Variants in TRAF2 observed in about 807,000 individuals in gnomAD.
TRAF2 encodes the protein TNF receptor associated factor 2, also known as TNF receptor-associated factor 2.
A neutral mutation model predicts 55.6 loss-of-function variants in TRAF2; 6 were observed. The ratio of observed to expected loss-of-function variants is 0.11; its 90% confidence interval spans 0.06 to 0.21. TRAF2 has a LOEUF of 0.21. Among genes scored for constraint, TRAF2 ranks in the 10% least tolerant of loss-of-function variants. TRAF2 has a pLI of 1.00. For synonymous variants in TRAF2, 329 were observed against 276.3 expected (o/e 1.19, Z -1.89); for missense variants, 561 against 684.5 (o/e 0.82, Z 2.01).
At chr9:136,916,478 T>C (rs1850244616) in intron 6 of TRAF2, 63 bp from the exon 7 acceptor site, 2 of 1,536,698 alleles carry the variant, frequency 1.3e-6, no homozygotes, top group Middle Eastern at 1.7e-4. Flanking sequence ...GTGTGGTCCA[T>C]GTGGAAGTGC....
At chr9:136,882,564 A>G, upstream of TRAF2, 1 of 593,712 alleles carries the variant, frequency 1.7e-6, no homozygotes, top group Non-Finnish European at 2.1e-6. Context: ...ATCCTCAGGC[A>G]GTGAGAGGGT....
upstream of TRAF2, chr9:136,886,370 G>A (rs1246065662): frequency 2.0e-6 from 2 of 981,618 alleles, no homozygotes; most frequent in South Asian, 4.5e-5. Flanking sequence ...CGTCAGGCGC[G>A]CTCGGAGCGG....
chr9:136,890,512 A>T (rs1000462852), intron 1 of TRAF2: 1 of 152,126 alleles, frequency 6.6e-6, no homozygotes, highest in African/African-American at 2.4e-5. Context: ...GGCCACTGAG[A>T]GCTCCCTAGT....
chr9:136,903,237 C>T (rs1849862816), intron 4 of TRAF2, among the ~76,000 whole-genome samples: 1 of 152,214 alleles, frequency 6.6e-6, no homozygotes, highest in Non-Finnish European at 1.5e-5. Context: ...TGGCATAAGC[C>T]ACTGCACCTG....
intron 4 of TRAF2, among the ~76,000 whole-genome samples, chr9:136,907,728 GGCAGGGACCCGCTGGCGCAGA>G (rs1448788375): frequency 1.3e-5 from 2 of 152,198 alleles, no homozygotes; most frequent in African/African-American, 4.8e-5. Flanking sequence ...TGGTGTGTGT[GGCAGGGACCCGCTGGCGCAGA>G]GCAGGGACTG....
intron 1 of TRAF2, among the ~76,000 whole-genome samples, chr9:136,898,114 A>T (rs991080300): frequency 1.3e-4 from 20 of 149,584 alleles, no homozygotes; most frequent in Admixed American, 8.0e-4. Context: ...TCGGGGCTGG[A>T]GGGGAACCCG....
chr9:136,902,011 G>T (rs952310590), intron 4 of TRAF2: 1 of 152,300 alleles, frequency 6.6e-6, no homozygotes, highest in Admixed American at 6.5e-5. Context: ...AACAAGATGT[G>T]CTTTCCTCCC....
Position 136,921,224 on chromosome 9 carries a change from C to T in TRAF2, c.1138+9C>T. 1.9e-6 allele frequency: 3 copies of T among 1,613,346 alleles called. No individual in the cohort carries two copies. The highest frequency in any genetic ancestry group is 2.5e-6 in the Non-Finnish European group (3 of 1,179,824). On this transcript the variant is annotated intron_variant, in intron 9 of 10. Coordinates refer to ENST00000247668, the MANE Select transcript of TRAF2 (RefSeq NM_021138.4). ...CGCCATCTTCTCCCCAGGTGTGGTT[C>T]TAGGACCCCCACCTCACTGCAGCTG...
At chr9:136,903,574 A>G (rs1191247735) in intron 4 of TRAF2, among the ~76,000 whole-genome samples, 1 of 148,952 alleles carries the variant, frequency 6.7e-6, no homozygotes, top group Non-Finnish European at 1.5e-5. Context: ...GTGGGTGGGG[A>G]GAAGACTGAG....
At chr9:136,922,994 G>C (rs1262596946) in intron 9 of TRAF2, among the ~76,000 whole-genome samples, 1 of 152,142 alleles carries the variant, frequency 6.6e-6, no homozygotes, top group Non-Finnish European at 1.5e-5. Context: ...GGGTGGTCCT[G>C]GTGCTGCCAC....
In TRAF2 at chr9:136,926,069, C is replaced by G. The variant is rs1456915877; in HGVS notation, c.*168C>G. On this transcript the variant is annotated 3_prime_UTR_variant, in exon 11 of 11. Coordinates refer to ENST00000247668, the MANE Select transcript of TRAF2 (RefSeq NM_021138.4). ...AGTTCACTGTCACGGGGGAAGGAGC[C>G]ACCAGCCAGTCCTCAGATTTCAGAG... 1 of 845,306 alleles carries G rather than the reference C, an allele frequency of 1.2e-6. No individual in the cohort carries two copies. Among genetic ancestry groups the G allele is most frequent in the African/African-American group, 1.7e-5 (1 of 60,482 alleles). The allele number at this position is 845,306 out of a possible 1,614,324, so 52.4% of individuals were successfully genotyped here.
chr9:136,883,530 T>C (rs1206294807), upstream of TRAF2, among the ~76,000 whole-genome samples: 2 of 152,118 alleles, frequency 1.3e-5, no homozygotes, highest in Non-Finnish European at 2.9e-5. Flanking sequence ...CCTTCTTTTT[T>C]CTTTGAGATG....
At chr9:136,905,616 A>G (rs1369282358) in intron 4 of TRAF2, among the ~76,000 whole-genome samples, 2 of 152,202 alleles carry the variant, frequency 1.3e-5, no homozygotes, top group African/African-American at 2.4e-5. Context: ...ATCATGATTG[A>G]AGAAACAGCA....
Position 136,898,729 on chromosome 9 carries a change from G to C in TRAF2, c.-12G>C. 4 of 1,613,136 alleles carry C rather than the reference G, an allele frequency of 2.5e-6. No homozygotes were observed. Among genetic ancestry groups the C allele is most frequent in the Non-Finnish European group, 3.4e-6 (4 of 1,180,004 alleles). On this transcript the variant is annotated 5_prime_UTR_variant, in exon 2 of 11. Transcript: ENST00000247668. ...CTTCCTTAGGGCTTTGTTCGCGGGG[G>C]TCACAGCTCTCATGGCTGCAGCTAG...
At chr9:136,882,910 G>A (rs1027183003), upstream of TRAF2, among the ~76,000 whole-genome samples, 8 of 152,190 alleles carry the variant, frequency 5.3e-5, no homozygotes, top group African/African-American at 1.9e-4. Flanking sequence ...TTGCTCTGTC[G>A]TCCAGGATGG....
In TRAF2 at chr9:136,900,526, G is replaced by A. The variant is rs1849793953; in HGVS notation, c.366+6G>A. ...GGACCCTGAAAGAATACGAGGTAAA[G>A]ATGCCTGCGTGTGGCATGGTGACAG... is the stretch of plus-strand genomic sequence containing the variant. On this transcript the variant is annotated splice_donor_region_variant and intron_variant, in intron 4 of 10. Coordinates refer to ENST00000247668, the MANE Select transcript of TRAF2 (RefSeq NM_021138.4). 6.2e-7 allele frequency: 1 copy of A among 1,612,970 alleles called. No homozygotes were observed. Among genetic ancestry groups the A allele is most frequent in the Non-Finnish European group, 8.5e-7 (1 of 1,179,012 alleles).
At chr9:136,891,104 GT>G (rs57947803) in intron 1 of TRAF2, among the ~76,000 whole-genome samples, 1 of 151,934 alleles carries the variant, frequency 6.6e-6, no homozygotes, top group South Asian at 2.1e-4. Flanking sequence ...TTTTAGATTT[GT>G]TTTTTTATGT....
At chr9:136,888,063 G>T (rs1295784511) in intron 1 of TRAF2, among the ~76,000 whole-genome samples, 1 of 151,760 alleles carries the variant, frequency 6.6e-6, no homozygotes, top group Non-Finnish European at 1.5e-5. Flanking sequence ...TAGAGATAGG[G>T]TTTCATCATG....
chr9:136,890,612 TA>T (rs1176437074), intron 1 of TRAF2: 1 of 152,260 alleles, frequency 6.6e-6, no homozygotes, highest in Non-Finnish European at 1.5e-5. Context: ...AGAAGTGTGC[TA>T]AAATCTTGGT....
Sources: allele counts gnomAD v4.1 joint callset (sites outside exome capture counted in the v4.1 genomes callset), GRCh38; gene constraint gnomAD v4.1.1; transcripts MANE v1.5; gene names NCBI Gene and HGNC (gene_info 2026-07-23, HGNC 2026-07-21).